The following HTT variants were observed in gnomAD, a reference collection of about 807,000 sequenced individuals.
HTT encodes the protein huntingtin.
Under a neutral mutation model 362.3 loss-of-function variants are expected in HTT, and 104 were observed. The ratio of observed to expected loss-of-function variants is 0.29; its 90% CI spans 0.24 to 0.34. The LOEUF (loss-of-function observed/expected upper bound fraction) is 0.34. Ranked by LOEUF, HTT falls within the 10% of genes least tolerant of loss-of-function variation. HTT has a pLI of 1.00. For synonymous variants in HTT, 1,577 were observed against 1,548.7 expected, an observed-to-expected ratio of 1.02 and a Z score of -0.43; for missense variants, 3,301 against 3,928.6, an observed-to-expected ratio of 0.84 and a Z score of 4.27.
At chr4:3,233,427 C>A in intron 61 of HTT, 74 bp downstream of exon 61, 1 of 1,421,962 alleles carries the variant, frequency 7.0e-7, no homozygotes, top group Non-Finnish European at 9.7e-7. Flanking sequence ...TCACCCTCTC[C>A]AAGTGCCCAG....
intron 33 of HTT, 27 bp downstream of exon 33, chr4:3,175,134 C>T: frequency 2.5e-6 from 4 of 1,586,710 alleles, no homozygotes; most frequent in South Asian, 1.1e-5. Context: ...TTTCATCCAT[C>T]ATACCTGTTC....
At chr4:3,108,573 T>C (rs1255541505) in intron 6 of HTT, among the ~76,000 whole-genome samples, 1 of 152,242 alleles carries the variant, frequency 6.6e-6, no homozygotes, top group Non-Finnish European at 1.5e-5. Flanking sequence ...AGAGCTCAGA[T>C]GATAGATGGT....
At chr4:3,099,427 G>C (rs1381301576) in intron 3 of HTT, 33 bp downstream of exon 3, 4 of 1,612,088 alleles carry the variant, frequency 2.5e-6, no homozygotes. Flanking sequence ...TCTCCTCAGA[G>C]CTATCATTGT....
chr4:3,233,487 C>A, intron 61 of HTT, 134 bp downstream of exon 61: 1 of 875,180 alleles, frequency 1.1e-6, no homozygotes, highest in Non-Finnish European at 1.8e-6. Context: ...CAGGTGGGTG[C>A]CATGGCTGAG....
chr4:3,129,765 T>G, intron 12 of HTT, 159 bp from the exon 13 acceptor site: 2 of 772,124 alleles, frequency 2.6e-6, no homozygotes. Flanking sequence ...CTTAGCAGTT[T>G]CCATGCGTGC....
chr4:3,088,720 G>A (rs1713345594), intron 2 of HTT, among the ~76,000 whole-genome samples: 1 of 151,708 alleles, frequency 6.6e-6, no homozygotes, highest in African/African-American at 2.4e-5. Context: ...TCATGTAAGT[G>A]GATTCCTACA....
chr4:3,137,012 A>T (rs1456701393), intron 21 of HTT, among the ~76,000 whole-genome samples: 1 of 151,092 alleles, frequency 6.6e-6, no homozygotes, highest in Non-Finnish European at 1.5e-5. Flanking sequence ...GGTTCAAGCG[A>T]TTCTCCTGCC....
At chr4:3,146,590 A>G (rs1716615386) in intron 24 of HTT, among the ~76,000 whole-genome samples, 1 of 152,202 alleles carries the variant, frequency 6.6e-6, no homozygotes, top group Non-Finnish European at 1.5e-5. Flanking sequence ...ACTTTCATTC[A>G]GATCTACTAC....
chr4:3,228,006 G>C lies in HTT; in HGVS notation c.7849-609G>C, dbSNP rs997988963. 6.6e-6 allele frequency among the ~76,000 whole-genome samples: 1 copy of C among 152,198 alleles called. No homozygotes were observed. ...CTCCCTGCAGGGTGCTGGGTCCCAG[G>C]GGGGAAATGGCCCTTGGTGCCAAGA... On this transcript the variant is annotated intron_variant, in intron 57 of 66. Coordinates refer to ENST00000355072, the MANE Select transcript of HTT (RefSeq NM_001388492.1). This position sits in a 1 kb window ranked among gnomAD's most constrained non-coding sequence, Gnocchi z 4.3.
At chr4:3,113,214 A>T (rs967197225) in intron 6 of HTT, among the ~76,000 whole-genome samples, 1 of 152,136 alleles carries the variant, frequency 6.6e-6, no homozygotes, top group Admixed American at 6.5e-5. Context: ...GGCCCCTTGG[A>T]GCTCTCTGAC....
At chr4:3,200,697 G>T (rs1719487899) in intron 41 of HTT, among the ~76,000 whole-genome samples, 1 of 152,210 alleles carries the variant, frequency 6.6e-6, no homozygotes, top group South Asian at 2.1e-4. Flanking sequence ...CCAGTTCATG[G>T]CACTCAGCTG....
intron 1 of HTT, among the ~76,000 whole-genome samples, chr4:3,081,071 C>G (rs1309845201): frequency 6.6e-6 from 1 of 152,102 alleles, no homozygotes; most frequent in African/African-American, 2.4e-5. Context: ...CATGCTGGGT[C>G]CCTTGCATTT....
At chr4:3,125,210 G>A (rs1715466743) in intron 10 of HTT, among the ~76,000 whole-genome samples, 1 of 152,022 alleles carries the variant, frequency 6.6e-6, no homozygotes, top group Non-Finnish European at 1.5e-5. Flanking sequence ...GATCTTTACA[G>A]TTATAACTTA....
At chr4:3,237,495 G>T (rs1368207369) in intron 64 of HTT, among the ~76,000 whole-genome samples, 1 of 152,154 alleles carries the variant, frequency 6.6e-6, no homozygotes, top group Non-Finnish European at 1.5e-5. Flanking sequence ...CCTTCAAGGG[G>T]CTTGTGGTCT....
chr4:3,240,312 C>T lies in HTT; in HGVS notation c.*253C>T, dbSNP rs1721750073. On this transcript the variant is annotated 3_prime_UTR_variant, in exon 67 of 67. Transcript: ENST00000355072. ...CCAGAAAGCAGGAGCAGCTGTGCTG[C>T]ACCCCATGTGGGTGACCAGGTCCTT... 3 of 559,674 alleles carry T rather than the reference C, an allele frequency of 5.4e-6. No homozygotes were observed. In the Admixed American group the frequency reaches 9.3e-5, roughly 17 times the overall value. The allele number at this position is 559,674 out of a possible 1,614,324, so 34.7% of individuals were successfully genotyped here. A position where few individuals can be genotyped will look rare whatever the true frequency, so the allele number is the denominator to read the frequency against.
At position 3,236,240 on chromosome 4, in the gene HTT, T is replaced by A; in HGVS notation, c.8877T>A (p.Ser2959=). 1 of 1,612,252 alleles carries A rather than the reference T, an allele frequency of 6.2e-7. No individual in the cohort carries two copies. Among genetic ancestry groups the A allele is most frequent in the Middle Eastern group, 1.7e-4 (1 of 6,060 alleles). ...TGATTGTTGCTATGGAGCGGGTATCTGTTCTTTTTGATAGGTAAGAAGCGA... is the reference window on the plus strand; with the variant it reads ...TGATTGTTGCTATGGAGCGGGTATCAGTTCTTTTTGATAGGTAAGAAGCGA... ...ESVIVAMERV[S]VLFDRIRKGF... is the part of the protein sequence containing the mutation. The change falls in exon 64 of 67, where the codon TCT becomes TCA. Residue 2959 remains serine, a synonymous_variant. Coordinates refer to ENST00000355072, the MANE Select transcript of HTT (RefSeq NM_001388492.1).
At position 3,172,418 on chromosome 4, in the gene HTT, C is replaced by A. The variant is rs776923825; in HGVS notation, c.3942+21C>A. 14 of 1,532,644 alleles carry A rather than the reference C, an allele frequency of 9.1e-6. No individual in the cohort carries two copies. The South Asian group carries it at 1.5e-4, about 16-fold the overall frequency. The allele number at this position is 1,532,644 out of a possible 1,614,324, so 94.9% of individuals were successfully genotyped here. A position where few individuals can be genotyped will look rare whatever the true frequency, so the allele number is the denominator to read the frequency against. The stretch of plus-strand genomic sequence containing the variant: ...AACAAGTAAGAGCTTCATTCTTTTC[C>A]TCTTCTGTTAAGACGTTCGGGTATG... On this transcript the variant is annotated intron_variant, in intron 30 of 66. Coordinates refer to ENST00000355072, the MANE Select transcript of HTT (RefSeq NM_001388492.1).
At chr4:3,126,334 G>C (rs1715518819) in intron 11 of HTT, among the ~76,000 whole-genome samples, 1 of 152,154 alleles carries the variant, frequency 6.6e-6, no homozygotes, top group Non-Finnish European at 1.5e-5. Flanking sequence ...GATTACAGGA[G>C]TGAGCCACTG....
At position 3,187,837 on chromosome 4, in the gene HTT, C is replaced by A. The variant is rs1209914725; in HGVS notation, c.5176C>A (p.His1726Asn). Residue 1726 changes from histidine (H) to asparagine (N), a missense_variant, in exon 39 of 67, where the codon CAC (histidine) becomes AAC (asparagine). Physicochemically the swap from His to Asn is moderately conservative, Grantham distance 68. This residue lies in a region of HTT where 2,316 missense variants were observed against 2,658.5 expected (regional missense o/e 0.87). Transcript: ENST00000355072. ...GGACAGTACTTCAACGCTAGAAGAA[C>A]ACAGTGAAGGGAAACAAATAAAGAA... Reference protein sequence around the residue: ...DGDSTSTLEEHSEGKQIKNLP... With the variant: ...DGDSTSTLEENSEGKQIKNLP... The A allele has an allele frequency of 6.2e-7, 1 of 1,613,158 alleles. No homozygotes were observed. The highest frequency in any genetic ancestry group is 8.5e-7 in the Non-Finnish European group (1 of 1,179,200).
Sources: gnomAD v4.1 joint callset for allele counts (sites outside exome capture counted in the v4.1 genomes callset) on GRCh38, gnomAD v4.1.1 for gene constraint, gnomAD v4.1.1 regional missense constraint, Gnocchi (gnomAD v3.1) non-coding constraint, MANE v1.5 for transcripts, NCBI Gene and HGNC (gene_info 2026-07-23, HGNC 2026-07-21) for gene names.